TOP6BL: variants seen among roughly 807,000 people sequenced by gnomAD.
TOP6BL encodes type 2 DNA topoisomerase 6 subunit B-like.
the TOP6BL span, among the ~76,000 whole-genome samples, chr11:66,810,076 T>G: frequency 6.6e-6 from 1 of 152,106 alleles, no homozygotes; most frequent in African/African-American, 2.4e-5. Context: ...AGACACATTA[T>G]GTATAGAGGA....
At chr11:66,821,748 A>G in the TOP6BL span, 6 of 1,613,372 alleles carry the variant, frequency 3.7e-6, no homozygotes, top group African/African-American at 8.0e-5. Flanking sequence ...TTGGAGCAAC[A>G]TCACCAGGCT....
the TOP6BL span, among the ~76,000 whole-genome samples, chr11:66,745,896 C>T: frequency 3.3e-5 from 5 of 152,208 alleles, no homozygotes; most frequent in African/African-American, 1.2e-4. Context: ...CCGCAGTCTC[C>T]GCCTCTCGGG....
chr11:66,774,999 G>A, the TOP6BL span, among the ~76,000 whole-genome samples: 1 of 150,868 alleles, frequency 6.6e-6, no homozygotes, highest in South Asian at 2.1e-4. Flanking sequence ...TGTAGTCCCA[G>A]CTACTCCGGA....
chr11:66,775,299 T>G, the TOP6BL span, among the ~76,000 whole-genome samples: 11 of 152,202 alleles, frequency 7.2e-5, no homozygotes, highest in Non-Finnish European at 1.0e-4. Context: ...GTTGTCACAC[T>G]TTTAAGAGAT....
the TOP6BL span, chr11:66,744,993 T>C: frequency 8.2e-7 from 1 of 1,226,918 alleles, no homozygotes; most frequent in Non-Finnish European, 1.0e-6. Context: ...CCGCGAAGTT[T>C]GGGCAGAGGG....
At chr11:66,775,286 T>G in the TOP6BL span, among the ~76,000 whole-genome samples, 1 of 152,186 alleles carries the variant, frequency 6.6e-6, no homozygotes, top group African/African-American at 2.4e-5. Flanking sequence ...TTATTTAATT[T>G]TAGTTGTCAC....
chr11:66,771,052 T>A, the TOP6BL span, among the ~76,000 whole-genome samples: 57 of 152,290 alleles, frequency 3.7e-4, no homozygotes, highest in Non-Finnish European at 7.3e-4. Context: ...TATTCTTTTA[T>A]ATAATTCTCA....
the TOP6BL span, among the ~76,000 whole-genome samples, chr11:66,771,829 A>G: frequency 6.6e-6 from 1 of 152,208 alleles, no homozygotes; most frequent in East Asian, 1.9e-4. Flanking sequence ...TGTTCCATCC[A>G]AATACTATTG....
chr11:66,816,285 T>G, the TOP6BL span: 11 of 1,346,258 alleles, frequency 8.2e-6, no homozygotes, highest in Non-Finnish European at 1.1e-5. Flanking sequence ...ACATCTAAAT[T>G]AGATATATTT....
the TOP6BL span, among the ~76,000 whole-genome samples, chr11:66,776,256 A>G: frequency 2.6e-5 from 4 of 151,912 alleles, no homozygotes; most frequent in Admixed American, 2.0e-4. Context: ...ATGGGATTCT[A>G]CCATGTTGGC....
At chr11:66,782,649 C>T in the TOP6BL span, among the ~76,000 whole-genome samples, 1 of 152,120 alleles carries the variant, frequency 6.6e-6, no homozygotes, top group Non-Finnish European at 1.5e-5. Flanking sequence ...TTTCCCTTCT[C>T]TCAAGGGATT....
At chr11:66,747,947 A>G in the TOP6BL span, among the ~76,000 whole-genome samples, 1 of 152,090 alleles carries the variant, frequency 6.6e-6, no homozygotes, top group Non-Finnish European at 1.5e-5. Context: ...TAGTATTCTG[A>G]CCCTCAAAAG....
chr11:66,746,357 C>T, the TOP6BL span, among the ~76,000 whole-genome samples: 2 of 151,698 alleles, frequency 1.3e-5, no homozygotes, highest in South Asian at 4.2e-4. Flanking sequence ...GAGACCGAGG[C>T]GGGCAGATCA....
the TOP6BL span, among the ~76,000 whole-genome samples, chr11:66,820,806 G>A: frequency 6.6e-6 from 1 of 152,122 alleles, no homozygotes; most frequent in Non-Finnish European, 1.5e-5. Context: ...GAATTAAACA[G>A]GATCCCTTAT....
the TOP6BL span, among the ~76,000 whole-genome samples, chr11:66,751,992 A>G: frequency 6.6e-6 from 1 of 152,176 alleles, no homozygotes; most frequent in Non-Finnish European, 1.5e-5. Context: ...ACTCTTTTCC[A>G]GTGTATCCTG....
the TOP6BL span, among the ~76,000 whole-genome samples, chr11:66,752,810 G>T: frequency 6.6e-6 from 1 of 152,080 alleles, no homozygotes; most frequent in South Asian, 2.1e-4. Flanking sequence ...GTAAATAAGG[G>T]TAGGTGCTAT....
chr11:66,779,767 G>A, the TOP6BL span, among the ~76,000 whole-genome samples: 1 of 152,212 alleles, frequency 6.6e-6, no homozygotes, highest in African/African-American at 2.4e-5. Flanking sequence ...CAACCCAAAT[G>A]TCCAACAATG....
chr11:66,797,540 T>G, the TOP6BL span, among the ~76,000 whole-genome samples: 2 of 152,076 alleles, frequency 1.3e-5, no homozygotes, highest in Non-Finnish European at 1.5e-5. Flanking sequence ...GGTTTTGCTC[T>G]GTCACCCACG....
chr11:66,779,153 A>G, the TOP6BL span, among the ~76,000 whole-genome samples: 1 of 152,224 alleles, frequency 6.6e-6, no homozygotes, highest in Non-Finnish European at 1.5e-5. Context: ...AAAAGCCAAA[A>G]TTGACAAATG....
Sources: allele counts gnomAD v4.1 joint callset (sites outside exome capture counted in the v4.1 genomes callset), GRCh38; gene constraint gnomAD v4.1.1; transcripts MANE v1.5; gene names NCBI Gene and HGNC (gene_info 2026-07-23, HGNC 2026-07-21).